Variants in PDE6C observed in about 807,000 individuals in gnomAD.
The protein encoded by PDE6C is cone cGMP-specific 3',5'-cyclic phosphodiesterase subunit alpha'.
PDE6C carries 75 observed loss-of-function variants against 113.1 expected under a neutral mutation model. The observed-to-expected ratio is 0.66, with a 90% CI of 0.55 to 0.80. The LOEUF (loss-of-function observed/expected upper bound fraction) is 0.80. Among genes scored for constraint, PDE6C ranks in the 30% least tolerant of loss-of-function variants. The pLI, the probability that PDE6C is intolerant of heterozygous loss-of-function variation, is 0.00. For synonymous variants in PDE6C, 375 were observed against 363.7 expected, an observed-to-expected ratio of 1.03 and a Z score of -0.35; for missense variants, 912 against 1,038.6, an observed-to-expected ratio of 0.88 and a Z score of 1.67.
chr10:93,654,445 C>G (rs1318495042), intron 15 of PDE6C, among the ~76,000 whole-genome samples: 1 of 152,162 alleles, frequency 6.6e-6, no homozygotes, highest in Non-Finnish European at 1.5e-5. Flanking sequence ...GTGCTGGGGT[C>G]TGTTGTGAAG....
intron 18 of PDE6C, among the ~76,000 whole-genome samples, chr10:93,659,787 G>A (rs1333181787): frequency 6.6e-6 from 1 of 152,144 alleles, no homozygotes; most frequent in Admixed American, 6.6e-5. Flanking sequence ...ATTTGTGTGG[G>A]GACATAGCCA....
chr10:93,620,137 C>G (rs867369022), intron 1 of PDE6C, among the ~76,000 whole-genome samples: 1 of 152,002 alleles, frequency 6.6e-6, no homozygotes, highest in Non-Finnish European at 1.5e-5. Context: ...TTCTAGTAGG[C>G]TAGATTGGAA....
At chr10:93,643,768 A>G (rs1314144163) in intron 14 of PDE6C, among the ~76,000 whole-genome samples, 1 of 151,626 alleles carries the variant, frequency 6.6e-6, no homozygotes, top group African/African-American at 2.4e-5. Context: ...TAAATATTGC[A>G]GCATATATTT....
Position 93,632,910 on chromosome 10 carries a change from G to T in PDE6C, c.1120-1848G>T, listed in dbSNP as rs777406318. Among the ~76,000 whole-genome samples, 48 of 152,128 alleles carry T rather than the reference G, an allele frequency of 3.2e-4. 1 individual carries two copies. Among genetic ancestry groups the T allele is most frequent in the Non-Finnish European group, 5.9e-4 (40 of 68,028 alleles). ...ATGCTCAGTCTAAATGTTAAATTGT[G>T]GTTCAGGCTATAAGTGCAGTTGGAA... On this transcript the variant is annotated intron_variant, in intron 8 of 21. Transcript: ENST00000371447.
chr10:93,652,138 A>G (rs1485125578), intron 15 of PDE6C, among the ~76,000 whole-genome samples: 1 of 152,206 alleles, frequency 6.6e-6, no homozygotes. Context: ...TAATGGAAAA[A>G]TAAGAAAAAC....
At chr10:93,626,366 A>T (rs528213255) in intron 5 of PDE6C, among the ~76,000 whole-genome samples, 10 of 152,244 alleles carry the variant, frequency 6.6e-5, no homozygotes, top group Non-Finnish European at 1.3e-4. Context: ...GTAGCCAAAG[A>T]TCCCCCCCAC....
At chr10:93,660,234 G>A (rs1161884555) in intron 18 of PDE6C, among the ~76,000 whole-genome samples, 3 of 152,142 alleles carry the variant, frequency 2.0e-5, no homozygotes, top group African/African-American at 7.2e-5. Context: ...AGAGAAAAGC[G>A]TACACGTTTA....
Position 93,640,568 on chromosome 10 carries a change from A to G in PDE6C, c.1737+11A>G. The G allele has an allele frequency of 6.5e-7, 1 of 1,547,378 alleles. No individual in the cohort carries two copies. ...TTTACTTTGCTGATGGTAGGTACAG[A>G]GGGCTGTAAATCCTTGTAAACCTGC... On this transcript the variant is annotated intron_variant, in intron 13 of 21. Coordinates refer to ENST00000371447, the MANE Select transcript of PDE6C (RefSeq NM_006204.4).
At chr10:93,646,405 G>A (rs1040563948) in intron 15 of PDE6C, among the ~76,000 whole-genome samples, 1 of 152,216 alleles carries the variant, frequency 6.6e-6, no homozygotes, top group African/African-American at 2.4e-5. Flanking sequence ...TGGGGCATAT[G>A]CTTTAGAGCA....
intron 1 of PDE6C, among the ~76,000 whole-genome samples, chr10:93,614,146 G>T (rs980094347): frequency 6.6e-6 from 1 of 152,152 alleles, no homozygotes; most frequent in African/African-American, 2.4e-5. Flanking sequence ...TAACAAAAAG[G>T]GAAAAGTGGA....
At chr10:93,624,152 C>T (rs956696068) in intron 4 of PDE6C, among the ~76,000 whole-genome samples, 1 of 152,112 alleles carries the variant, frequency 6.6e-6, no homozygotes, top group Non-Finnish European at 1.5e-5. Flanking sequence ...ATATTATTCA[C>T]AATATAATGC....
intron 15 of PDE6C, among the ~76,000 whole-genome samples, chr10:93,655,389 T>A (rs555314818): frequency 6.6e-6 from 1 of 151,730 alleles, no homozygotes; most frequent in East Asian, 1.9e-4. Flanking sequence ...CTCCCAGAAA[T>A]TCTTTATTAA....
intron 3 of PDE6C, 55 bp downstream of exon 3, chr10:93,621,035 C>T: frequency 2.1e-6 from 3 of 1,413,716 alleles, no homozygotes; most frequent in Non-Finnish European, 1.0e-6. Context: ...ACAAAGCCGC[C>T]CAGAGACAAC....
chr10:93,665,831 T>C lies in PDE6C; in HGVS notation c.*413T>C, dbSNP rs892609699. ...TCAAGGAGTTGGCAGGGTTGGTTTC[T>C]TGGGAGGCCTCTCAACTTGGTTTGC... On this transcript the variant is annotated 3_prime_UTR_variant, in exon 22 of 22. Transcript: ENST00000371447. 3.9e-6 allele frequency: 1 copy of C among 259,666 alleles called. No individual in the cohort carries two copies. The highest frequency in any genetic ancestry group is 5.2e-5 in the Admixed American group (1 of 19,172). 16.1% of individuals were successfully genotyped at this position (259,666 alleles called of 1,614,324 possible).
chr10:93,621,433 C>T (rs986901408), intron 3 of PDE6C, among the ~76,000 whole-genome samples: 3 of 152,214 alleles, frequency 2.0e-5, no homozygotes, highest in Admixed American at 6.5e-5. Context: ...ATACCTAGGT[C>T]TGGCCCACTC....
At position 93,616,161 on chromosome 10, in the gene PDE6C, G is replaced by A. The variant is rs140202488; in HGVS notation, c.480+2956G>A. 3.5e-4 allele frequency among the ~76,000 whole-genome samples: 54 copies of A among 152,300 alleles called. No homozygotes were observed. The East Asian group carries it at 9.4e-3, about 27-fold the overall frequency. ...ATTTCCAGCCTGTGTAGTAGGAATCGTTCAAAGTTAGGTAGACAGGAAGTG... is the reference window on the plus strand; with the variant it reads ...ATTTCCAGCCTGTGTAGTAGGAATCATTCAAAGTTAGGTAGACAGGAAGTG... On this transcript the variant is annotated intron_variant, in intron 1 of 21. Transcript: ENST00000371447.
Position 93,653,687 on chromosome 10 carries a change from C to A in PDE6C, c.1936-2073C>A, listed in dbSNP as rs936338116. On this transcript the variant is annotated intron_variant, in intron 15 of 21. Transcript: ENST00000371447. Reference sequence around the variant, plus strand: ...AAACAAAAACAAAAACAAAAAAAAACATTGATTTTGATCCAGATAATCTCT... The same window carrying A: ...AAACAAAAACAAAAACAAAAAAAAAAATTGATTTTGATCCAGATAATCTCT... Among the ~76,000 whole-genome samples, 16 of 148,954 alleles carry A rather than the reference C, an allele frequency of 1.1e-4. No homozygotes were observed. In the Middle Eastern group the frequency reaches 0.014, roughly 128 times the overall value.
chr10:93,665,507 TA>T lies in PDE6C; in HGVS notation c.*91del, dbSNP rs2058686075. On this transcript the variant is annotated 3_prime_UTR_variant, in exon 22 of 22. Coordinates refer to ENST00000371447, the MANE Select transcript of PDE6C (RefSeq NM_006204.4). ...AAAAGAACTTCAACAAATCATCACG[TA>T]ACAGGATCTTCAGAAAAACTACCCT... 4 of 884,360 alleles carry T rather than the reference TA, an allele frequency of 4.5e-6. No individual in the cohort carries two copies. The East Asian group carries it at 9.8e-5, about 22-fold the overall frequency. The allele number at this position is 884,360 out of a possible 1,614,324, so 54.8% of individuals were successfully genotyped here.
At chr10:93,625,782 G>A in intron 5 of PDE6C, 133 bp downstream of exon 5, 2 of 692,816 alleles carry the variant, frequency 2.9e-6, no homozygotes, top group Non-Finnish European at 5.3e-6. Flanking sequence ...GGAGTTTGAG[G>A]TTCTAGTCCC....
Sources: gnomAD v4.1 joint callset for allele counts (sites outside exome capture counted in the v4.1 genomes callset) on GRCh38, gnomAD v4.1.1 for gene constraint, MANE v1.5 for transcripts, NCBI Gene and HGNC (gene_info 2026-07-23, HGNC 2026-07-21) for gene names.